The following IQGAP2 variants were observed in gnomAD, a reference collection of about 807,000 sequenced individuals.
The protein encoded by IQGAP2 is ras GTPase-activating-like protein IQGAP2.
A neutral mutation model predicts 201.3 loss-of-function variants in IQGAP2; 173 were observed. The observed-to-expected ratio is 0.86, with a 90% confidence interval of 0.76 to 0.98. The LOEUF (loss-of-function observed/expected upper bound fraction) is 0.98, where lower values mean the gene tolerates loss of function less well. Among genes scored for constraint, IQGAP2 ranks in the 50% least tolerant of loss-of-function variants. IQGAP2 has a pLI of 0.00. For missense variants in IQGAP2, 1,687 were observed against 1,864.8 expected (o/e 0.90, Z 1.76); for synonymous variants, 675 against 673.9 (o/e 1.00, Z -0.03).
intron 1 of IQGAP2, among the ~76,000 whole-genome samples, chr5:76,431,962 T>G (rs1752393948): frequency 6.6e-6 from 1 of 151,908 alleles, no homozygotes; most frequent in African/African-American, 2.4e-5. Context: ...AAATTAAGGG[T>G]AGACATACTC....
At chr5:76,664,942 A>G in intron 21 of IQGAP2, 84 bp from the exon 22 acceptor site, 1 of 765,164 alleles carries the variant, frequency 1.3e-6, no homozygotes, top group Non-Finnish European at 2.2e-6. Flanking sequence ...ATTTCCAATT[A>G]CGTGTGTTTC....
At chr5:76,631,779 A>T in intron 14 of IQGAP2, 80 bp from the exon 15 acceptor site, 1 of 1,083,058 alleles carries the variant, frequency 9.2e-7, no homozygotes, top group Non-Finnish European at 1.3e-6. Context: ...GCATTCCTAA[A>T]ACGTTGAATT....
intron 2 of IQGAP2, among the ~76,000 whole-genome samples, chr5:76,553,032 GAAA>G (rs1468365834): frequency 1.3e-5 from 2 of 152,210 alleles, no homozygotes. Flanking sequence ...TTGTATGAGA[GAAA>G]GATAGGGGCC....
At chr5:76,416,403 A>G (rs1751405284) in intron 1 of IQGAP2, among the ~76,000 whole-genome samples, 2 of 152,246 alleles carry the variant, frequency 1.3e-5, no homozygotes, top group African/African-American at 4.8e-5. Context: ...GGAGGTAGCC[A>G]TGGAAGTACC....
At chr5:76,574,666 T>C (rs947423025) in intron 4 of IQGAP2, among the ~76,000 whole-genome samples, 3 of 152,348 alleles carry the variant, frequency 2.0e-5, no homozygotes, top group Admixed American at 2.0e-4. Flanking sequence ...TTTACCTATG[T>C]AACAAACCTT....
In IQGAP2 at chr5:76,606,044, G is replaced by C; in HGVS notation, c.1233-135G>C. The stretch of plus-strand genomic sequence containing the variant: ...GGTATATGTTGACAGAGCTACACAA[G>C]ACAATTTTATTTGCCTTTCTACTCT... On this transcript the variant is annotated intron_variant, in intron 11 of 35. Transcript: ENST00000274364. The C allele has an allele frequency of 6.1e-6, 4 of 652,532 alleles. No individual in the cohort carries two copies. The Admixed American group carries it at 1.4e-4, about 22-fold the overall frequency. The allele number at this position is 652,532 out of a possible 1,614,324, so 40.4% of individuals were successfully genotyped here.
chr5:76,571,464 G>A (rs1005036326), intron 4 of IQGAP2, among the ~76,000 whole-genome samples: 3 of 152,098 alleles, frequency 2.0e-5, no homozygotes, highest in Non-Finnish European at 4.4e-5. Flanking sequence ...GGATTACAGG[G>A]ATGAGCTACC....
chr5:76,610,076 C>CTCTCTCTCTATATA (rs1326468006), intron 12 of IQGAP2, among the ~76,000 whole-genome samples: 1 of 18,700 alleles, frequency 5.3e-5, no homozygotes, highest in African/African-American at 1.8e-4. Flanking sequence ...CTCTCTCTCT[C>CTCTCTCTCTATATA]TATATATATA....
chr5:76,450,735 G>C (rs35893266), intron 1 of IQGAP2, among the ~76,000 whole-genome samples: 1 of 152,032 alleles, frequency 6.6e-6, no homozygotes, highest in East Asian at 1.9e-4. Context: ...TAAATGTGTG[G>C]ACCTGAGCTG....
intron 12 of IQGAP2, chr5:76,609,029 T>G (rs1748040041): frequency 7.1e-7 from 1 of 1,411,452 alleles, no homozygotes; most frequent in Non-Finnish European, 9.6e-7. Context: ...GAGGAAGTGA[T>G]GCATATGTTC....
intron 2 of IQGAP2, among the ~76,000 whole-genome samples, chr5:76,494,635 C>A (rs1756767205): frequency 6.6e-6 from 1 of 152,226 alleles, no homozygotes; most frequent in African/African-American, 2.4e-5. Context: ...AAGGACCACA[C>A]CGCAGAAGGT....
chr5:76,451,910 G>C (rs891332899), intron 1 of IQGAP2, among the ~76,000 whole-genome samples: 5 of 152,258 alleles, frequency 3.3e-5, no homozygotes, highest in Admixed American at 2.6e-4. Flanking sequence ...GGTGATGTGT[G>C]CCTGTAATCC....
chr5:76,572,148 A>G (rs114130043), intron 4 of IQGAP2, among the ~76,000 whole-genome samples: 458 of 151,640 alleles, frequency 3.0e-3, no homozygotes, highest in African/African-American at 0.01. Flanking sequence ...TCCACTCTGT[A>G]TATGGTCCTT....
chr5:76,703,054 C>T (rs1480869389), intron 35 of IQGAP2, among the ~76,000 whole-genome samples: 1 of 127,456 alleles, frequency 7.8e-6, no homozygotes, highest in Non-Finnish European at 1.6e-5. Context: ...CTTGCTCTGT[C>T]GCCCAGGCTG....
chr5:76,637,168 G>A lies in IQGAP2; in HGVS notation c.1915G>A (p.Glu639Lys). ...TAAAGAATCATGGCTCACAGGAAAA[G>A]AAATCGAGGTAGGAGGTTGGTGTTT... ...LYKESWLTGK[E>K]IEDIIEEVTV... Residue 639 changes from glutamate to lysine, a missense_variant, in exon 16 of 36, where the codon GAA (glutamate) becomes AAA (lysine). Glu to Lys is a moderately conservative substitution (Grantham distance 56). Transcript: ENST00000274364. 6.2e-7 allele frequency: 1 copy of A among 1,604,070 alleles called. No homozygotes were observed. Among genetic ancestry groups the A allele is most frequent in the Middle Eastern group, 1.7e-4 (1 of 6,002 alleles).
At chr5:76,512,717 A>C (rs1295994355) in intron 2 of IQGAP2, among the ~76,000 whole-genome samples, 3 of 152,254 alleles carry the variant, frequency 2.0e-5, no homozygotes, top group Non-Finnish European at 4.4e-5. Context: ...AATGACTGCA[A>C]TGTTTTGCCT....
intron 15 of IQGAP2, among the ~76,000 whole-genome samples, chr5:76,633,133 A>G (rs1750842574): frequency 6.6e-6 from 1 of 152,188 alleles, no homozygotes; most frequent in Admixed American, 6.5e-5. Context: ...TCTGTCTCCT[A>G]AACTTGCTAT....
At chr5:76,501,058 T>C (rs1757247033) in intron 2 of IQGAP2, among the ~76,000 whole-genome samples, 2 of 151,370 alleles carry the variant, frequency 1.3e-5, no homozygotes, top group South Asian at 4.1e-4. Flanking sequence ...ATTTAAGGAA[T>C]TGACCATTAA....
intron 20 of IQGAP2, among the ~76,000 whole-genome samples, chr5:76,657,846 G>A (rs944854012): frequency 2.6e-5 from 4 of 152,140 alleles, no homozygotes; most frequent in African/African-American, 7.2e-5. Context: ...TCCCTTGGCC[G>A]GTGCTCAAAG....
Sources: allele counts gnomAD v4.1 joint callset (sites outside exome capture counted in the v4.1 genomes callset), GRCh38; gene constraint gnomAD v4.1.1; transcripts MANE v1.5; gene names NCBI Gene and HGNC (gene_info 2026-07-23, HGNC 2026-07-21).